AGAP1: variants seen among roughly 807,000 people sequenced by gnomAD.
AGAP1 encodes ArfGAP with GTPase domain, ankyrin repeat and PH domain 1.
In AGAP1, 29 loss-of-function variants were observed where a neutral mutation model predicts 105.3. That is an observed-to-expected ratio of 0.28 (90% CI 0.21 to 0.38). The LOEUF (loss-of-function observed/expected upper bound fraction) is 0.38. AGAP1 is among the 10% of genes least tolerant of loss of function. The pLI is 1.00. For missense variants in AGAP1, 998 were observed against 1,165.1 expected, an observed-to-expected ratio of 0.86 and a Z score of 2.09; for synonymous variants, 509 against 485.9, an observed-to-expected ratio of 1.05 and a Z score of -0.63.
intron 9 of AGAP1, among the ~76,000 whole-genome samples, chr2:235,834,956 G>A (rs1017786006): frequency 6.6e-6 from 1 of 152,192 alleles, no homozygotes; most frequent in Non-Finnish European, 1.5e-5. Context: ...CTAACATCAC[G>A]AGAACATGTG....
In AGAP1 at chr2:235,720,930, G is replaced by A. The variant is rs182333870; in HGVS notation, c.310+3286G>A. The stretch of plus-strand genomic sequence containing the variant: ...AGAGGGTAATATCTGCTGTCTTTTC[G>A]TTGTATGATGCATTTTGGTTGATAT... On this transcript the variant is annotated intron_variant, in intron 3 of 17. Transcript: ENST00000304032. The surrounding 1 kb of genome is among the most constrained non-coding windows in gnomAD (Gnocchi z 5.0). Among the ~76,000 whole-genome samples the A allele has an allele frequency of 3.0e-4, 45 of 152,246 alleles. No individual in the cohort carries two copies. The highest frequency in any genetic ancestry group is 5.9e-4 in the Admixed American group (9 of 15,278).
chr2:236,122,850 A>G (rs971770886), intron 17 of AGAP1, among the ~76,000 whole-genome samples: 1 of 151,588 alleles, frequency 6.6e-6, no homozygotes, highest in African/African-American at 2.4e-5. Context: ...ATGCCCAGAT[A>G]ATTTCTGTAT....
At chr2:236,028,333 A>C (rs2057118752) in intron 13 of AGAP1, among the ~76,000 whole-genome samples, 1 of 152,106 alleles carries the variant, frequency 6.6e-6, no homozygotes, top group African/African-American at 2.4e-5. Flanking sequence ...TTAATCCGTC[A>C]CCTCCAGGCA....
intron 12 of AGAP1, among the ~76,000 whole-genome samples, chr2:235,947,455 A>T (rs898195539): frequency 6.6e-6 from 1 of 152,200 alleles, no homozygotes; most frequent in Non-Finnish European, 1.5e-5. Context: ...TACATATATA[A>T]CATTTTCTTC....
intron 1 of AGAP1, among the ~76,000 whole-genome samples, chr2:235,590,122 C>G (rs1649640837): frequency 6.6e-6 from 1 of 152,180 alleles, no homozygotes; most frequent in African/African-American, 2.4e-5. Context: ...TTCAAGTGAT[C>G]TGCCCGCCTC....
Position 235,690,825 on chromosome 2 carries a change from G to A in AGAP1, c.164-18354G>A, listed in dbSNP as rs1487905628. On this transcript the variant is annotated intron_variant, in intron 1 of 17. Coordinates refer to ENST00000304032, the MANE Select transcript of AGAP1 (RefSeq NM_001037131.3). This position sits in a 1 kb window ranked among gnomAD's most constrained non-coding sequence, Gnocchi z 4.1. ...CTTGATTTATTTATTTTTTTCTCCA[G>A]TCTAGTCATAGTATTGGTTTCGAGA... is the stretch of plus-strand genomic sequence containing the variant. Among the ~76,000 whole-genome samples, 6 of 152,162 alleles carry A rather than the reference G, an allele frequency of 3.9e-5. No individual in the cohort carries two copies. Among genetic ancestry groups the A allele is most frequent in the Non-Finnish European group, 4.4e-5 (3 of 68,020 alleles).
At position 236,082,731 on chromosome 2, in the gene AGAP1, T is replaced by C. The variant is rs532629570; in HGVS notation, c.2114+33450T>C. Among the ~76,000 whole-genome samples the C allele has an allele frequency of 4.6e-5, 7 of 151,674 alleles. No homozygotes were observed. The highest frequency in any genetic ancestry group is 1.7e-4 in the African/African-American group (7 of 41,314). On this transcript the variant is annotated intron_variant, in intron 16 of 17. Coordinates refer to ENST00000304032, the MANE Select transcript of AGAP1 (RefSeq NM_001037131.3). This position sits in a 1 kb window ranked among gnomAD's most constrained non-coding sequence, Gnocchi z 4.2. ...TCTACTAAAAATACAAAAATTAGCC[T>C]GGCGCGGTGGCAGGCACCTATGATC...
chr2:235,739,811 C>A lies in AGAP1; in HGVS notation c.311-1152C>A, dbSNP rs138421663. ...ACTCTGATTTTTTGCTTCTCAGGCA[C>A]TGATGTGGTTCAGACCCAGGATTCT... On this transcript the variant is annotated intron_variant, in intron 3 of 17. Transcript: ENST00000304032. The surrounding 1 kb of genome is among the most constrained non-coding windows in gnomAD (Gnocchi z 5.3). Among the ~76,000 whole-genome samples the A allele has an allele frequency of 6.6e-6, 1 of 152,186 alleles. No homozygotes were observed. The highest frequency in any genetic ancestry group is 2.1e-4 in the South Asian group (1 of 4,828).
At position 235,740,917 on chromosome 2, in the gene AGAP1, ACT is replaced by A. The variant is rs1269656920; in HGVS notation, c.311-41_311-40del. ...AAGCCCACGTCTGTCTGCCCTCCTC[ACT>A]CTCTGTTGTTCTCGTGTAACGAGAT... On this transcript the variant is annotated intron_variant, in intron 3 of 17. Transcript: ENST00000304032. The surrounding 1 kb of genome is among the most constrained non-coding windows in gnomAD (Gnocchi z 5.7). 1.9e-6 allele frequency: 3 copies of A among 1,611,030 alleles called. No homozygotes were observed. Among genetic ancestry groups the A allele is most frequent in the South Asian group, 2.2e-5 (2 of 90,732 alleles).
At chr2:235,567,985 G>A (rs1944401080) in intron 1 of AGAP1, among the ~76,000 whole-genome samples, 1 of 152,176 alleles carries the variant, frequency 6.6e-6, no homozygotes, top group African/African-American at 2.4e-5. Flanking sequence ...CATCCTTGCT[G>A]GTATGTAAGA....
At chr2:235,800,073 A>C (rs1957420513) in intron 8 of AGAP1, among the ~76,000 whole-genome samples, 1 of 150,164 alleles carries the variant, frequency 6.7e-6, no homozygotes, top group African/African-American at 2.5e-5. Context: ...ATAAATTCAC[A>C]ATCTGGGTGC....
At chr2:235,857,774 A>G (rs148758725) in intron 9 of AGAP1, among the ~76,000 whole-genome samples, 273 of 152,344 alleles carry the variant, frequency 1.8e-3, no homozygotes, top group African/African-American at 6.1e-3. Context: ...TATGTAACTG[A>G]TTTGCAAGAA....
At chr2:236,007,125 ATTC>A (rs1230694858) in intron 13 of AGAP1, among the ~76,000 whole-genome samples, 3 of 152,202 alleles carry the variant, frequency 2.0e-5, no homozygotes, top group Admixed American at 6.5e-5. Flanking sequence ...AAAGTTGGGA[ATTC>A]TTCTTTTGCT....
rs1013530680 is a variant in AGAP1, at chr2:235,982,140, G to C, written c.1645+13517G>C. Among the ~76,000 whole-genome samples, 1 of 152,112 alleles carries C rather than the reference G, an allele frequency of 6.6e-6. No individual in the cohort carries two copies. The highest frequency in any genetic ancestry group is 2.4e-5 in the African/African-American group (1 of 41,428). Reference sequence around the variant, plus strand: ...AGAACAAATGATCAAAGTTTCAAAGGCTGTAATTTTGGAAAGCTGGCATAT... The same window carrying C: ...AGAACAAATGATCAAAGTTTCAAAGCCTGTAATTTTGGAAAGCTGGCATAT... On this transcript the variant is annotated intron_variant, in intron 13 of 17. Coordinates refer to ENST00000304032, the MANE Select transcript of AGAP1 (RefSeq NM_001037131.3). The surrounding 1 kb of genome is among the most constrained non-coding windows in gnomAD (Gnocchi z 4.9).
chr2:235,852,573 A>C (rs1442719874), intron 9 of AGAP1: 1 of 1,034,160 alleles, frequency 9.7e-7, no homozygotes, highest in Non-Finnish European at 1.3e-6. Context: ...TCTCTTAATG[A>C]ATAGAGACTG....
At chr2:235,676,948 T>C (rs146494702) in intron 1 of AGAP1, among the ~76,000 whole-genome samples, 1 of 152,320 alleles carries the variant, frequency 6.6e-6, no homozygotes, top group East Asian at 1.9e-4. Flanking sequence ...GAGGAGATTA[T>C]TGTCTTTTCA....
intron 6 of AGAP1, among the ~76,000 whole-genome samples, chr2:235,796,716 A>G (rs934826106): frequency 2.6e-5 from 4 of 152,342 alleles, no homozygotes; most frequent in Non-Finnish European, 5.9e-5. Flanking sequence ...TCTACGTTAT[A>G]ACCTATTGCT....
intron 16 of AGAP1, chr2:236,049,513 C>T: frequency 2.2e-6 from 1 of 449,950 alleles, no homozygotes; most frequent in East Asian, 3.5e-5. Context: ...GATTTCTCTC[C>T]CCCCTCTTAG....
chr2:235,941,896 A>AAG (rs2053276435), intron 12 of AGAP1, among the ~76,000 whole-genome samples: 1 of 152,246 alleles, frequency 6.6e-6, no homozygotes, highest in African/African-American at 2.4e-5. Context: ...CAGAGGAAGG[A>AAG]AGGAGCGTTC....
Sources: allele counts gnomAD v4.1 joint callset (sites outside exome capture counted in the v4.1 genomes callset), GRCh38; gene constraint gnomAD v4.1.1; non-coding constraint Gnocchi (gnomAD v3.1); transcripts MANE v1.5; gene names NCBI Gene and HGNC (gene_info 2026-07-23, HGNC 2026-07-21).